RASGEF1B: variants seen among roughly 807,000 people sequenced by gnomAD.
RASGEF1B encodes the protein ras-GEF domain-containing family member 1B.
RASGEF1B carries 30 observed loss-of-function variants against 65.7 expected under a neutral mutation model. That is an observed-to-expected ratio of 0.46 (90% CI 0.34 to 0.62). The LOEUF (loss-of-function observed/expected upper bound fraction) is 0.62. RASGEF1B is among the 20% of genes least tolerant of loss of function. The pLI is 0.01. For missense variants in RASGEF1B, 495 were observed against 580.1 expected (o/e 0.85, Z 1.51); for synonymous variants, 175 against 194.8 (o/e 0.90, Z 0.85).
chr4:81,464,638 T>C (rs543130603), intron 1 of RASGEF1B, among the ~76,000 whole-genome samples: 45 of 152,334 alleles, frequency 3.0e-4, no homozygotes, highest in Non-Finnish European at 5.6e-4. Context: ...AGTTTTCATA[T>C]ACTTTCAGGG....
chr4:81,457,352 AC>A, intron 3 of RASGEF1B, 146 bp downstream of exon 3: 1 of 705,338 alleles, frequency 1.4e-6, no homozygotes, highest in Non-Finnish European at 2.4e-6. Context: ...TATTCTTTAT[AC>A]CATTCACAAT....
At chr4:81,454,327 AT>A (rs1722370469) in intron 4 of RASGEF1B, 1 of 152,238 alleles carries the variant, frequency 6.6e-6, no homozygotes, top group Non-Finnish European at 1.5e-5. Flanking sequence ...AAAGAAAAAG[AT>A]TTTTAAGGTG....
At chr4:81,435,672 T>C (rs1240378104) in intron 10 of RASGEF1B, among the ~76,000 whole-genome samples, 2 of 149,934 alleles carry the variant, frequency 1.3e-5, no homozygotes, top group Admixed American at 6.6e-5. Context: ...AGACAGGGTT[T>C]CACCGTGTTA....
At chr4:81,437,778 AAAG>A (rs1721683276) in intron 10 of RASGEF1B, among the ~76,000 whole-genome samples, 1 of 152,226 alleles carries the variant, frequency 6.6e-6, no homozygotes, top group Non-Finnish European at 1.5e-5. Flanking sequence ...TGCATGCAAG[AAAG>A]AAGCCTTGCA....
chr4:81,433,278 GA>G (rs1251433564), intron 12 of RASGEF1B, among the ~76,000 whole-genome samples: 1 of 150,372 alleles, frequency 6.7e-6, no homozygotes, highest in Non-Finnish European at 1.5e-5. Context: ...TCTACTATGA[GA>G]AACTGTTAAT....
intron 4 of RASGEF1B, 82 bp downstream of exon 4, chr4:81,456,569 T>C (rs528260487): frequency 1.4e-6 from 2 of 1,451,356 alleles, no homozygotes; most frequent in Admixed American, 1.7e-5. Flanking sequence ...GCAGTGGAGA[T>C]TAGGATGCAT....
At chr4:81,431,884 T>C (rs1721443295) in intron 13 of RASGEF1B, among the ~76,000 whole-genome samples, 2 of 152,190 alleles carry the variant, frequency 1.3e-5, no homozygotes, top group Admixed American at 1.3e-4. Context: ...TGAGATCCAC[T>C]TGGAAAGTGG....
chr4:81,471,494 G>A (rs1723022751), intron 1 of RASGEF1B, among the ~76,000 whole-genome samples: 2 of 152,180 alleles, frequency 1.3e-5, no homozygotes, highest in African/African-American at 4.8e-5. Flanking sequence ...TGTTGGGGCC[G>A]CGGCAGTCCC....
chr4:81,465,520 T>C (rs1722776590), intron 1 of RASGEF1B, among the ~76,000 whole-genome samples: 1 of 152,218 alleles, frequency 6.6e-6, no homozygotes, highest in Non-Finnish European at 1.5e-5. Flanking sequence ...TAGATCACGT[T>C]CTTCCAAGGA....
chr4:81,447,199 A>T (rs949926950), intron 6 of RASGEF1B, among the ~76,000 whole-genome samples: 2 of 152,018 alleles, frequency 1.3e-5, no homozygotes, highest in Non-Finnish European at 2.9e-5. Flanking sequence ...TAAAACCATT[A>T]TGCTTTCGTC....
Position 81,426,575 on chromosome 4 carries a change from ACTC to A in RASGEF1B, c.*1190_*1192del, listed in dbSNP as rs1286162609. On this transcript the variant is annotated 3_prime_UTR_variant, in exon 14 of 14. Transcript: ENST00000264400. ...GTTTTTCTCATTAGCACGAATTACT[ACTC>A]TACAGTTTCTTCTAGAGTAAATAAA... 10 of 152,266 alleles carry A rather than the reference ACTC, an allele frequency of 6.6e-5. No homozygotes were observed. The highest frequency in any genetic ancestry group is 3.3e-4 in the Admixed American group (5 of 15,296). The allele number at this position is 152,266 out of a possible 1,614,324, so 9.4% of individuals were successfully genotyped here.
intron 9 of RASGEF1B, among the ~76,000 whole-genome samples, chr4:81,441,386 C>T (rs541207297): frequency 6.6e-6 from 1 of 152,126 alleles, no homozygotes; most frequent in African/African-American, 2.4e-5. Flanking sequence ...ATGAATAGAT[C>T]ATAACATTAT....
chr4:81,461,675 T>A (rs545606508), intron 1 of RASGEF1B, among the ~76,000 whole-genome samples: 1 of 152,200 alleles, frequency 6.6e-6, no homozygotes, highest in South Asian at 2.1e-4. Flanking sequence ...TCTAAAGGCC[T>A]GAGGATGAGC....
intron 8 of RASGEF1B, among the ~76,000 whole-genome samples, chr4:81,445,158 C>T (rs1024792938): frequency 2.0e-5 from 3 of 152,274 alleles, no homozygotes; most frequent in East Asian, 1.9e-4. Flanking sequence ...GTTTCTTAGG[C>T]CACTCTCTTG....
intron 12 of RASGEF1B, 92 bp from the exon 13 acceptor site, chr4:81,432,463 A>G (rs1721464146): frequency 1.4e-6 from 1 of 738,618 alleles, no homozygotes; most frequent in South Asian, 1.7e-5. Flanking sequence ...GCCAAACTCC[A>G]TAGCAAAATA....
At chr4:81,430,439 C>T (rs1721390724) in intron 13 of RASGEF1B, among the ~76,000 whole-genome samples, 1 of 152,178 alleles carries the variant, frequency 6.6e-6, no homozygotes. Flanking sequence ...TCTAATTGAG[C>T]CGGTTAACGC....
At chr4:81,441,538 CGA>C (rs1420573323) in intron 9 of RASGEF1B, among the ~76,000 whole-genome samples, 5 of 145,764 alleles carry the variant, frequency 3.4e-5, no homozygotes, top group Non-Finnish European at 4.5e-5. Flanking sequence ...CTCTTGCACG[CGA>C]TTTTTTTTTT....
At chr4:81,466,922 C>G (rs1722855906) in intron 1 of RASGEF1B, among the ~76,000 whole-genome samples, 1 of 143,358 alleles carries the variant, frequency 7.0e-6, no homozygotes, top group African/African-American at 2.6e-5. Context: ...AATGCTACAC[C>G]TCTGCTTACC....
At chr4:81,432,016 A>G (rs1009565952) in intron 13 of RASGEF1B, among the ~76,000 whole-genome samples, 25 of 151,560 alleles carry the variant, frequency 1.6e-4, no homozygotes, top group African/African-American at 4.4e-4. Flanking sequence ...GACAAAGTCA[A>G]TGCATTTTTT....
Sources: gnomAD v4.1 joint callset for allele counts (sites outside exome capture counted in the v4.1 genomes callset) on GRCh38, gnomAD v4.1.1 for gene constraint, MANE v1.5 for transcripts, NCBI Gene and HGNC (gene_info 2026-07-23, HGNC 2026-07-21) for gene names.